DGKI: variants seen among roughly 807,000 people sequenced by gnomAD.
DGKI encodes the protein diacylglycerol kinase iota, also known as DAG kinase iota.
A neutral mutation model predicts 147.5 loss-of-function variants in DGKI; 55 were observed. That is an observed-to-expected ratio of 0.37 (90% CI 0.30 to 0.47). The LOEUF (loss-of-function observed/expected upper bound fraction) is 0.47. Among genes scored for constraint, DGKI ranks in the 20% least tolerant of loss-of-function variants. The probability of loss-of-function intolerance (pLI) is 1.00; values close to 1 mark genes in which losing one functional copy is unlikely to be tolerated. For synonymous variants in DGKI, 469 were observed against 477.1 expected, an observed-to-expected ratio of 0.98 and a Z score of 0.22; for missense variants, 1,007 against 1,323.8, an observed-to-expected ratio of 0.76 and a Z score of 3.71.
At chr7:137,757,248 C>T (rs1388675008) in intron 1 of DGKI, among the ~76,000 whole-genome samples, 2 of 152,144 alleles carry the variant, frequency 1.3e-5, no homozygotes, top group African/African-American at 4.8e-5. Flanking sequence ...TCAGCAATAC[C>T]ATCCCCATGG....
rs139773400 is a variant in DGKI at position 137,412,398 on chromosome 7, C to G, written c.2762-191G>C. ...CCACCCAGGTACCCATTCCACGCACCCTTCTAGGGCCCATGCGTGCCCCCT... is the reference window on the plus strand; with the variant it reads ...CCACCCAGGTACCCATTCCACGCACGCTTCTAGGGCCCATGCGTGCCCCCT... On this transcript the variant is annotated intron_variant, in intron 28 of 32. Coordinates refer to ENST00000614521, the MANE Select transcript of DGKI (RefSeq NM_001321708.2). Among the ~76,000 whole-genome samples, 329 of 152,242 alleles carry G rather than the reference C, an allele frequency of 2.2e-3. 2 individuals are homozygous for G. Among genetic ancestry groups the G allele is most frequent in the African/African-American group, 7.7e-3 (320 of 41,526 alleles).
At chr7:137,557,501 A>G (rs1818265823) in intron 19 of DGKI, among the ~76,000 whole-genome samples, 1 of 152,198 alleles carries the variant, frequency 6.6e-6, no homozygotes, top group Non-Finnish European at 1.5e-5. Context: ...GGCTGGGAAT[A>G]TTTCCCACTA....
rs922618393 is a variant in DGKI at position 137,846,728 on chromosome 7, G to A, written c.135C>T (p.Ser45=). ...TCATGGCGCCCGCTCCGGCGGCCGC[G>A]GAGGGAGCGCAGGCGGCGCCGCTGC... ...GPCSGAACAP[S]AAAGAGAMNP... The change falls in exon 1 of 33, where the codon TCC becomes TCT. Residue 45 remains serine (S), a synonymous_variant. Coordinates refer to ENST00000614521, the MANE Select transcript of DGKI (RefSeq NM_001321708.2). This position sits in a 1 kb window ranked among gnomAD's most constrained non-coding sequence, Gnocchi z 4.0. 8.7e-5 allele frequency: 88 copies of A among 1,016,344 alleles called. No homozygotes were observed. The highest frequency in any genetic ancestry group is 1.0e-4 in the Non-Finnish European group (86 of 852,574). 63.0% of individuals were successfully genotyped at this position (1,016,344 alleles called of 1,614,324 possible). A position where few individuals can be genotyped will look rare whatever the true frequency, so the allele number is the denominator to read the frequency against.
chr7:137,640,429 CCT>C (rs1176487677), intron 6 of DGKI, among the ~76,000 whole-genome samples: 1 of 152,050 alleles, frequency 6.6e-6, no homozygotes, highest in Non-Finnish European at 1.5e-5. Context: ...CTTGTACTGC[CCT>C]CTCTCTACCT....
In DGKI at chr7:137,466,969, T is replaced by C. The variant is rs758528079; in HGVS notation, c.2444-27A>G. Reference sequence around the variant, plus strand: ...TAGGGGAAAAAAAATGCAGATGGCATTCAGAATGTTCTGTAATCTGGCACC... The same window carrying C: ...TAGGGGAAAAAAAATGCAGATGGCACTCAGAATGTTCTGTAATCTGGCACC... On this transcript the variant is annotated intron_variant, in intron 24 of 32. Coordinates refer to ENST00000614521, the MANE Select transcript of DGKI (RefSeq NM_001321708.2). The C allele has an allele frequency of 7.4e-6, 12 of 1,612,566 alleles. No individual in the cohort carries two copies. In the African/African-American group the frequency reaches 8.0e-5, roughly 11 times the overall value.
chr7:137,601,435 G>A (rs564792766), intron 10 of DGKI, among the ~76,000 whole-genome samples: 96 of 152,246 alleles, frequency 6.3e-4, no homozygotes, highest in African/African-American at 1.9e-3. Context: ...AGTAGATATC[G>A]TAATTGCTCT....
chr7:137,678,972 A>C (rs1237270489), intron 2 of DGKI, among the ~76,000 whole-genome samples: 1 of 152,324 alleles, frequency 6.6e-6, no homozygotes, highest in East Asian at 1.9e-4. Flanking sequence ...AACCTTATTC[A>C]CCAGGCCCAC....
chr7:137,515,147 C>T (rs972332870), intron 21 of DGKI, among the ~76,000 whole-genome samples: 4 of 152,198 alleles, frequency 2.6e-5, no homozygotes, highest in Non-Finnish European at 4.4e-5. Flanking sequence ...TAGAAATCCA[C>T]ATATACATGC....
At chr7:137,480,156 A>G (rs1022731305) in intron 23 of DGKI, among the ~76,000 whole-genome samples, 9 of 152,180 alleles carry the variant, frequency 5.9e-5, no homozygotes, top group Non-Finnish European at 1.5e-5. Flanking sequence ...CTTCACTCGT[A>G]AGAGACAACA....
At chr7:137,406,183 G>C (rs1811939881) in intron 30 of DGKI, among the ~76,000 whole-genome samples, 1 of 152,132 alleles carries the variant, frequency 6.6e-6, no homozygotes, top group African/African-American at 2.4e-5. Context: ...ACAGCAAATA[G>C]GAGAATTTTA....
chr7:137,813,745 A>AT (rs1235138519), intron 1 of DGKI, among the ~76,000 whole-genome samples: 1 of 152,170 alleles, frequency 6.6e-6, no homozygotes, highest in Non-Finnish European at 1.5e-5. Flanking sequence ...GGAAAAATGC[A>AT]TTTTTGGCAA....
At chr7:137,561,058 G>A (rs1818402171) in intron 19 of DGKI, among the ~76,000 whole-genome samples, 1 of 152,084 alleles carries the variant, frequency 6.6e-6, no homozygotes, top group Non-Finnish European at 1.5e-5. Context: ...ATATGATCCA[G>A]CAATTGCACT....
chr7:137,567,355 T>C (rs1818623097), intron 19 of DGKI, among the ~76,000 whole-genome samples: 1 of 151,656 alleles, frequency 6.6e-6, no homozygotes, highest in South Asian at 2.1e-4. Flanking sequence ...TCTGCCAACA[T>C]TAAAAAAGGA....
intron 2 of DGKI, among the ~76,000 whole-genome samples, chr7:137,684,834 C>A (rs1331500471): frequency 1.3e-5 from 2 of 152,122 alleles, no homozygotes; most frequent in South Asian, 2.1e-4. Flanking sequence ...ACACTCAGAC[C>A]TGATGAAGAG....
chr7:137,570,160 C>A lies in DGKI; in HGVS notation c.1947+1015G>T, dbSNP rs79247363. Among the ~76,000 whole-genome samples, 884 of 152,142 alleles carry A rather than the reference C, an allele frequency of 5.8e-3. 6 individuals carry two copies. The highest frequency in any genetic ancestry group is 0.02 in the African/African-American group (846 of 41,502). On this transcript the variant is annotated intron_variant, in intron 19 of 32. Transcript: ENST00000614521. ...GGTACAGCACAAATCATGTGCCAACCAAAGGTGACAAGCAGAAGCTTTGTT... is the reference window on the plus strand; with the variant it reads ...GGTACAGCACAAATCATGTGCCAACAAAAGGTGACAAGCAGAAGCTTTGTT...
intron 1 of DGKI, among the ~76,000 whole-genome samples, chr7:137,716,511 C>T (rs1041848231): frequency 6.6e-6 from 1 of 152,108 alleles, no homozygotes; most frequent in African/African-American, 2.4e-5. Context: ...GCCAGAGATG[C>T]CAGTGAAGGA....
chr7:137,533,754 C>G (rs1035404910), intron 20 of DGKI, among the ~76,000 whole-genome samples: 36 of 151,728 alleles, frequency 2.4e-4, no homozygotes, highest in Non-Finnish European at 4.9e-4. Flanking sequence ...AGGCTTTGGC[C>G]TTTTCCTTCC....
At chr7:137,698,942 G>A (rs1268517701) in intron 1 of DGKI, among the ~76,000 whole-genome samples, 4 of 152,172 alleles carry the variant, frequency 2.6e-5, no homozygotes, top group Admixed American at 2.6e-4. Context: ...ACCAGGGCAT[G>A]CAATGGACTA....
At chr7:137,694,314 C>T (rs1458783423) in intron 1 of DGKI, among the ~76,000 whole-genome samples, 4 of 147,276 alleles carry the variant, frequency 2.7e-5, no homozygotes, top group Admixed American at 1.4e-4. Context: ...AGCGAGACTC[C>T]GTCTCAAAAA....
Sources: allele counts gnomAD v4.1 joint callset (sites outside exome capture counted in the v4.1 genomes callset), GRCh38; gene constraint gnomAD v4.1.1; non-coding constraint Gnocchi (gnomAD v3.1); transcripts MANE v1.5; gene names NCBI Gene and HGNC (gene_info 2026-07-23, HGNC 2026-07-21).